KCNH7: variants seen among roughly 807,000 people sequenced by gnomAD.
KCNH7 encodes the protein voltage-gated inwardly rectifying potassium channel KCNH7.
Under a neutral mutation model 120.8 loss-of-function variants are expected in KCNH7, and 49 were observed. The observed-to-expected ratio is 0.41, with a 90% confidence interval of 0.32 to 0.51. The LOEUF (loss-of-function observed/expected upper bound fraction) is 0.51, where lower values mean the gene tolerates loss of function less well. Among genes scored for constraint, KCNH7 ranks in the 20% least tolerant of loss-of-function variants. The pLI is 0.38. For synonymous variants in KCNH7, 547 were observed against 516.1 expected (o/e 1.06, Z -0.81); for missense variants, 1,097 against 1,446.6 (o/e 0.76, Z 3.92).
intron 9 of KCNH7, among the ~76,000 whole-genome samples, chr2:162,403,506 AC>A (rs1187408940): frequency 6.6e-6 from 1 of 151,954 alleles, no homozygotes; most frequent in African/African-American, 2.4e-5. Flanking sequence ...TTTTAGAATC[AC>A]CCACAGAACT....
chr2:162,510,143 T>C (rs1691020785), intron 5 of KCNH7, among the ~76,000 whole-genome samples: 1 of 151,632 alleles, frequency 6.6e-6, no homozygotes, highest in Admixed American at 6.6e-5. Flanking sequence ...GTGCAATTTA[T>C]TTGAAATAAC....
intron 2 of KCNH7, among the ~76,000 whole-genome samples, chr2:162,715,896 G>A (rs1383668825): frequency 6.6e-6 from 1 of 151,756 alleles, no homozygotes; most frequent in Admixed American, 6.6e-5. Flanking sequence ...ATTAATTTGG[G>A]TTGTTCTGAT....
intron 2 of KCNH7, among the ~76,000 whole-genome samples, chr2:162,578,703 G>T (rs1054486588): frequency 1.3e-5 from 2 of 152,082 alleles, no homozygotes; most frequent in African/African-American, 4.8e-5. Flanking sequence ...TCGTGGCATA[G>T]GAACTGAAGT....
intron 2 of KCNH7, among the ~76,000 whole-genome samples, chr2:162,747,839 T>C (rs1026593137): frequency 4.6e-5 from 7 of 152,196 alleles, no homozygotes; most frequent in Non-Finnish European, 8.8e-5. Context: ...CAGTGTCTCA[T>C]AAGAACTACT....
chr2:162,417,203 T>C (rs990685276), intron 9 of KCNH7, among the ~76,000 whole-genome samples: 8 of 152,188 alleles, frequency 5.3e-5, no homozygotes, highest in African/African-American at 1.9e-4. Flanking sequence ...ATATTGTGGA[T>C]GCTTTGATTC....
At chr2:162,601,705 A>G (rs1289983959) in intron 2 of KCNH7, among the ~76,000 whole-genome samples, 1 of 152,034 alleles carries the variant, frequency 6.6e-6, no homozygotes, top group Admixed American at 6.6e-5. Context: ...GCTTTATCTT[A>G]GAAAGTTACA....
intron 5 of KCNH7, among the ~76,000 whole-genome samples, chr2:162,509,315 A>T (rs1177688887): frequency 2.6e-5 from 4 of 151,706 alleles, no homozygotes; most frequent in Admixed American, 2.6e-4. Context: ...GATTAAAAAA[A>T]TAATGCTACT....
intron 2 of KCNH7, among the ~76,000 whole-genome samples, chr2:162,763,365 C>T (rs1689029493): frequency 6.6e-6 from 1 of 152,104 alleles, no homozygotes; most frequent in African/African-American, 2.4e-5. Flanking sequence ...TTGCTTTCCA[C>T]TTAACGATAT....
intron 7 of KCNH7, among the ~76,000 whole-genome samples, chr2:162,436,598 C>A (rs1688245863): frequency 6.6e-6 from 1 of 152,104 alleles, no homozygotes; most frequent in Non-Finnish European, 1.5e-5. Flanking sequence ...ATATAATTCA[C>A]AGGGCATATA....
intron 14 of KCNH7, among the ~76,000 whole-genome samples, chr2:162,375,697 G>A (rs1686142964): frequency 6.6e-6 from 1 of 152,078 alleles, no homozygotes; most frequent in Non-Finnish European, 1.5e-5. Flanking sequence ...AGATGCCAAG[G>A]TGGGTGGATC....
At chr2:162,463,915 G>A (rs1354203808) in intron 6 of KCNH7, among the ~76,000 whole-genome samples, 1 of 151,688 alleles carries the variant, frequency 6.6e-6, no homozygotes. Flanking sequence ...TTTATCCAAG[G>A]GAGAAAACAA....
chr2:162,520,898 A>T (rs1691500154), intron 3 of KCNH7, among the ~76,000 whole-genome samples: 1 of 151,774 alleles, frequency 6.6e-6, no homozygotes, highest in Non-Finnish European at 1.5e-5. Flanking sequence ...CTGCAGCTTC[A>T]TCTCTGTTCT....
At chr2:162,624,254 C>T (rs1683464410) in intron 2 of KCNH7, among the ~76,000 whole-genome samples, 1 of 152,236 alleles carries the variant, frequency 6.6e-6, no homozygotes, top group Admixed American at 6.5e-5. Context: ...CACCTCACTT[C>T]ATCTCATGGG....
At chr2:162,402,485 T>C (rs374390059) in intron 9 of KCNH7, among the ~76,000 whole-genome samples, 1 of 150,894 alleles carries the variant, frequency 6.6e-6, no homozygotes, top group African/African-American at 2.4e-5. Flanking sequence ...TACACAGGCC[T>C]CTGCATATGA....
At chr2:162,531,425 T>C (rs1574070287) in intron 3 of KCNH7, among the ~76,000 whole-genome samples, 1 of 152,020 alleles carries the variant, frequency 6.6e-6, no homozygotes, top group Non-Finnish European at 1.5e-5. Flanking sequence ...TGGGAAAATA[T>C]GAGAATTTGA....
intron 2 of KCNH7, among the ~76,000 whole-genome samples, chr2:162,745,391 T>A (rs540864794): frequency 2.0e-5 from 3 of 152,164 alleles, no homozygotes; most frequent in African/African-American, 7.2e-5. Flanking sequence ...GCTTTTTTTT[T>A]AAACTAAAGA....
chr2:162,465,794 C>A (rs1323442499), intron 6 of KCNH7, among the ~76,000 whole-genome samples: 3 of 152,098 alleles, frequency 2.0e-5, no homozygotes, highest in Non-Finnish European at 4.4e-5. Flanking sequence ...TCCTTTATCC[C>A]ATTTTTATTT....
At chr2:162,793,700 T>C (rs888356647) in intron 2 of KCNH7, among the ~76,000 whole-genome samples, 16 of 151,476 alleles carry the variant, frequency 1.1e-4, no homozygotes, top group Non-Finnish European at 1.5e-4. Flanking sequence ...AAGTAGAGAG[T>C]AGAATAGTGG....
intron 6 of KCNH7, among the ~76,000 whole-genome samples, chr2:162,470,868 G>C (rs913217571): frequency 6.6e-6 from 1 of 152,226 alleles, no homozygotes; most frequent in African/African-American, 2.4e-5. Context: ...GAAAGAAGTA[G>C]ACATGGGAGA....
Sources: gnomAD v4.1 joint callset for allele counts (sites outside exome capture counted in the v4.1 genomes callset) on GRCh38, gnomAD v4.1.1 for gene constraint, MANE v1.5 for transcripts, NCBI Gene and HGNC (gene_info 2026-07-23, HGNC 2026-07-21) for gene names.